GRM7: variants seen among roughly 807,000 people sequenced by gnomAD.
GRM7 encodes the protein metabotropic glutamate receptor 7.
GRM7 carries 35 observed loss-of-function variants against 84.5 expected under a neutral mutation model. The observed-to-expected ratio is 0.41, with a 90% CI of 0.32 to 0.55. GRM7 has a LOEUF of 0.55. GRM7 is among the 20% of genes least tolerant of loss of function. The pLI is 0.19. For synonymous variants in GRM7, 487 were observed against 455.1 expected (o/e 1.07, Z -0.89); for missense variants, 1,003 against 1,194.6 (o/e 0.84, Z 2.36).
intron 7 of GRM7, among the ~76,000 whole-genome samples, chr3:7,568,826 C>T (rs530304038): frequency 6.6e-6 from 1 of 152,136 alleles, no homozygotes; most frequent in Non-Finnish European, 1.5e-5. Flanking sequence ...CCTTAGCTGC[C>T]TCCCCGTGGG....
At position 7,268,135 on chromosome 3, in the gene GRM7, A is replaced by G. The variant is rs538026025; in HGVS notation, c.737-30549A>G. Among the ~76,000 whole-genome samples, 3 of 152,324 alleles carry G rather than the reference A, an allele frequency of 2.0e-5. No individual in the cohort carries two copies. In the East Asian group the frequency reaches 5.8e-4, roughly 29 times the overall value. On this transcript the variant is annotated intron_variant, in intron 2 of 9. Coordinates refer to ENST00000357716, the MANE Select transcript of GRM7 (RefSeq NM_000844.4). Reference sequence around the variant, plus strand: ...TGACTCCCATACAGATAGAAAATTAACATGCTAAAATGTTTATTTAACTAA... The same window carrying G: ...TGACTCCCATACAGATAGAAAATTAGCATGCTAAAATGTTTATTTAACTAA...
intron 4 of GRM7, among the ~76,000 whole-genome samples, chr3:7,379,115 C>T (rs940705783): frequency 3.9e-5 from 6 of 152,108 alleles, no homozygotes; most frequent in African/African-American, 1.2e-4. Flanking sequence ...CTCTGTTGCT[C>T]GGGCTGGAGT....
In GRM7 at chr3:7,107,170, T is replaced by C. The variant is rs114561027; in HGVS notation, c.520-39282T>C. ...AACTGTTACTGAGCACTCATCAGGA[T>C]AGAGATACTCGGCCAAGCCTTGGGA... On this transcript the variant is annotated intron_variant, in intron 1 of 9. Coordinates refer to ENST00000357716, the MANE Select transcript of GRM7 (RefSeq NM_000844.4). Among the ~76,000 whole-genome samples the C allele has an allele frequency of 5.7e-3, 869 of 152,106 alleles. 8 individuals are homozygous for C. Among genetic ancestry groups the C allele is most frequent in the Middle Eastern group, 0.031 (9 of 294 alleles).
intron 9 of GRM7, among the ~76,000 whole-genome samples, chr3:7,714,750 C>T (rs1300957219): frequency 1.3e-5 from 2 of 152,178 alleles, no homozygotes; most frequent in East Asian, 1.9e-4. Context: ...ATCCTCTATC[C>T]AAGAACAGTT....
intron 2 of GRM7, among the ~76,000 whole-genome samples, chr3:7,266,471 A>G (rs1698643921): frequency 1.3e-5 from 2 of 152,206 alleles, no homozygotes; most frequent in Non-Finnish European, 2.9e-5. Flanking sequence ...GACATCAGAA[A>G]GAACTGTTTG....
chr3:7,651,932 T>C (rs920206493), intron 8 of GRM7, among the ~76,000 whole-genome samples: 1 of 152,158 alleles, frequency 6.6e-6, no homozygotes, highest in Non-Finnish European at 1.5e-5. Context: ...CCTGCCAAGG[T>C]TGGCAAATAT....
intron 1 of GRM7, among the ~76,000 whole-genome samples, chr3:7,003,912 G>C (rs62236577): frequency 6.6e-6 from 1 of 152,154 alleles, no homozygotes; most frequent in Admixed American, 6.5e-5. Context: ...TAATTGGAAG[G>C]CTTGTCTGGC....
chr3:7,312,809 TATCCA>T (rs930022565), intron 4 of GRM7, among the ~76,000 whole-genome samples: 12 of 152,132 alleles, frequency 7.9e-5, no homozygotes, highest in African/African-American at 2.9e-4. Flanking sequence ...TATAACATTT[TATCCA>T]AACCAGAACA....
At chr3:7,111,088 C>T (rs1274920258) in intron 1 of GRM7, among the ~76,000 whole-genome samples, 3 of 151,954 alleles carry the variant, frequency 2.0e-5, no homozygotes, top group African/African-American at 4.8e-5. Flanking sequence ...GATGTGGGGT[C>T]AATAACAGGT....
At position 7,291,489 on chromosome 3, in the gene GRM7, GC is replaced by G. The variant is rs1699619465; in HGVS notation, c.737-7194del. On this transcript the variant is annotated intron_variant, in intron 2 of 9. Transcript: ENST00000357716. ...CAGGGTTAGAGGAAAAGTCATGCCAGCTCTCTCTCTCTCTCTCTCTCTCTCT... is the reference window on the plus strand; with the variant it reads ...CAGGGTTAGAGGAAAAGTCATGCCAGTCTCTCTCTCTCTCTCTCTCTCTCT... 1.2e-4 allele frequency among the ~76,000 whole-genome samples: 13 copies of G among 109,716 alleles called. No homozygotes were observed. The East Asian group carries it at 3.9e-3, about 33-fold the overall frequency. The allele number at this position is 109,716 out of a possible 152,430, so 72.0% of individuals were successfully genotyped here. A position where few individuals can be genotyped will look rare whatever the true frequency, so the allele number is the denominator to read the frequency against.
chr3:6,951,685 T>G (rs897287770), intron 1 of GRM7, among the ~76,000 whole-genome samples: 1 of 152,218 alleles, frequency 6.6e-6, no homozygotes, highest in East Asian at 1.9e-4. Context: ...ACATGCCCTA[T>G]CTTGGTAAAT....
At chr3:7,111,715 G>A (rs1692857275) in intron 1 of GRM7, among the ~76,000 whole-genome samples, 1 of 151,978 alleles carries the variant, frequency 6.6e-6, no homozygotes, top group Non-Finnish European at 1.5e-5. Context: ...ACTATTAATT[G>A]AATTCTATAG....
chr3:7,453,988 T>C (rs1011683787), intron 6 of GRM7, among the ~76,000 whole-genome samples: 2 of 151,472 alleles, frequency 1.3e-5, no homozygotes, highest in Non-Finnish European at 2.9e-5. Flanking sequence ...CAGGGTAAGG[T>C]CAGAAAGAGA....
chr3:7,343,951 G>A (rs1032108750), intron 4 of GRM7, among the ~76,000 whole-genome samples: 12 of 152,214 alleles, frequency 7.9e-5, no homozygotes, highest in Non-Finnish European at 1.8e-4. Flanking sequence ...TGGATGTAGC[G>A]GCTAGAGCTA....
intron 5 of GRM7, among the ~76,000 whole-genome samples, chr3:7,434,245 A>T (rs529829291): frequency 6.6e-6 from 1 of 152,292 alleles, no homozygotes; most frequent in Admixed American, 6.5e-5. Flanking sequence ...TATATAGATG[A>T]TCACATCATC....
intron 1 of GRM7, among the ~76,000 whole-genome samples, chr3:6,924,584 A>G (rs529922666): frequency 6.6e-6 from 1 of 152,270 alleles, no homozygotes; most frequent in Admixed American, 6.5e-5. Context: ...TATTGTGGCT[A>G]AGTATCACAA....
At position 7,023,038 on chromosome 3, in the gene GRM7, G is replaced by A. The variant is rs551764254; in HGVS notation, c.520-123414G>A. On this transcript the variant is annotated intron_variant, in intron 1 of 9. Coordinates refer to ENST00000357716, the MANE Select transcript of GRM7 (RefSeq NM_000844.4). ...CAGTAAATCATGAGGGAGAATGGAT[G>A]GACATGGGAGGTGGGAGGCAGATAT... Among the ~76,000 whole-genome samples the A allele has an allele frequency of 3.5e-3, 529 of 152,058 alleles. 1 individual carries two copies. The highest frequency in any genetic ancestry group is 0.012 in the African/African-American group (504 of 41,488).
chr3:6,921,498 A>C (rs1371112099), intron 1 of GRM7, among the ~76,000 whole-genome samples: 1 of 152,140 alleles, frequency 6.6e-6, no homozygotes, highest in Non-Finnish European at 1.5e-5. Context: ...AAGAGCTTAC[A>C]TCTATTAAAA....
intron 4 of GRM7, among the ~76,000 whole-genome samples, chr3:7,354,219 C>T (rs777703805): frequency 6.6e-6 from 1 of 152,118 alleles, no homozygotes. Flanking sequence ...AAGGAAATAA[C>T]CAGACATTTG....
Sources: allele counts gnomAD v4.1 joint callset (sites outside exome capture counted in the v4.1 genomes callset), GRCh38; gene constraint gnomAD v4.1.1; transcripts MANE v1.5; gene names NCBI Gene and HGNC (gene_info 2026-07-23, HGNC 2026-07-21).